The following GABRG3 variants were observed in gnomAD, a reference collection of about 807,000 sequenced individuals.
GABRG3 encodes the protein gamma-aminobutyric acid receptor subunit gamma-3.
Under a neutral mutation model 48.8 loss-of-function variants are expected in GABRG3, and 25 were observed. The ratio of observed to expected loss-of-function variants is 0.51; its 90% CI spans 0.37 to 0.72. The LOEUF is 0.72. Among genes scored for constraint, GABRG3 ranks in the 30% least tolerant of loss-of-function variants. The probability of loss-of-function intolerance (pLI) is 0.00; values close to 1 mark genes in which losing one functional copy is unlikely to be tolerated. For missense variants in GABRG3, 394 were observed against 577.9 expected (o/e 0.68, Z 3.26); for synonymous variants, 227 against 217.6 (o/e 1.04, Z -0.38).
chr15:27,234,281 C>T (rs1397341130), intron 3 of GABRG3, among the ~76,000 whole-genome samples: 1 of 152,176 alleles, frequency 6.6e-6, no homozygotes, highest in African/African-American at 2.4e-5. Flanking sequence ...AGGAGGCTCC[C>T]TGGCCAGGAC....
intron 3 of GABRG3, among the ~76,000 whole-genome samples, chr15:27,216,733 C>CTTTTTTTT (rs200517386): frequency 9.6e-6 from 1 of 103,886 alleles, no homozygotes; most frequent in Non-Finnish European, 2.0e-5. Flanking sequence ...CAATTCATTT[C>CTTTTTTTT]TTTTTTTTTT....
chr15:27,086,870 G>A lies in GABRG3; in HGVS notation c.270+60049G>A, dbSNP rs147977315. ...TGGGTGAAGCACTTGCCTTCAGGTCGTCCTTGTGGGCCACTGTGTCTGTGG... is the reference window on the plus strand; with the variant it reads ...TGGGTGAAGCACTTGCCTTCAGGTCATCCTTGTGGGCCACTGTGTCTGTGG... On this transcript the variant is annotated intron_variant, in intron 3 of 9. Coordinates refer to ENST00000615808, the MANE Select transcript of GABRG3 (RefSeq NM_033223.5). Among the ~76,000 whole-genome samples, 52 of 152,330 alleles carry A rather than the reference G, an allele frequency of 3.4e-4. No individual in the cohort carries two copies. The East Asian group carries it at 6.0e-3, about 18-fold the overall frequency.
intron 3 of GABRG3, among the ~76,000 whole-genome samples, chr15:27,133,764 A>T (rs756890761): frequency 1.4e-4 from 22 of 152,238 alleles, no homozygotes; most frequent in Non-Finnish European, 2.8e-4. Flanking sequence ...AAATTGTTAC[A>T]AACTGCAAAT....
chr15:27,207,838 A>G (rs1187682760), intron 3 of GABRG3, among the ~76,000 whole-genome samples: 1 of 152,176 alleles, frequency 6.6e-6, no homozygotes, highest in Admixed American at 6.5e-5. Flanking sequence ...AGAATCATGC[A>G]GGCTATAGGA....
At chr15:27,421,086 C>T (rs980100352) in intron 5 of GABRG3, among the ~76,000 whole-genome samples, 1 of 152,178 alleles carries the variant, frequency 6.6e-6, no homozygotes, top group Admixed American at 6.5e-5. Flanking sequence ...AGGGCACACA[C>T]TGCATCTGAA....
chr15:27,388,703 T>C (rs374903602), intron 5 of GABRG3, among the ~76,000 whole-genome samples: 1 of 152,206 alleles, frequency 6.6e-6, no homozygotes, highest in Non-Finnish European at 1.5e-5. Context: ...GCAGTAGAAG[T>C]GTGTGGAGTG....
At chr15:27,488,255 G>C (rs974719387) in intron 6 of GABRG3, among the ~76,000 whole-genome samples, 2 of 152,150 alleles carry the variant, frequency 1.3e-5, no homozygotes, top group Non-Finnish European at 2.9e-5. Flanking sequence ...TCCCTCAAAG[G>C]CCAAGACAGG....
chr15:27,013,718 T>C (rs184302322), intron 2 of GABRG3, among the ~76,000 whole-genome samples: 110 of 152,282 alleles, frequency 7.2e-4, no homozygotes, highest in African/African-American at 2.5e-3. Context: ...TTCTGTTCCA[T>C]TGGTCTCTAT....
intron 3 of GABRG3, among the ~76,000 whole-genome samples, chr15:27,132,396 G>A (rs1897930630): frequency 6.8e-6 from 1 of 147,906 alleles, no homozygotes; most frequent in Admixed American, 6.8e-5. Flanking sequence ...GAATTCTCCT[G>A]TGAAGCCATC....
chr15:27,421,966 G>A (rs1217875258), intron 5 of GABRG3, among the ~76,000 whole-genome samples: 4 of 148,432 alleles, frequency 2.7e-5, no homozygotes, highest in Non-Finnish European at 4.5e-5. Context: ...ATCCATGGGA[G>A]TGGGCTGCAT....
intron 5 of GABRG3, among the ~76,000 whole-genome samples, chr15:27,397,656 T>C (rs1479413087): frequency 6.6e-6 from 1 of 152,070 alleles, no homozygotes; most frequent in Non-Finnish European, 1.5e-5. Context: ...TTCTAAACTC[T>C]CCTCCAGCCT....
chr15:27,372,852 C>T (rs1318229092), intron 5 of GABRG3, among the ~76,000 whole-genome samples: 1 of 152,172 alleles, frequency 6.6e-6, no homozygotes, highest in Admixed American at 6.5e-5. Flanking sequence ...AACACTGTAC[C>T]TTGAGTGGTT....
chr15:27,324,687 G>A (rs1163860133), intron 3 of GABRG3, among the ~76,000 whole-genome samples: 6 of 152,190 alleles, frequency 3.9e-5, no homozygotes, highest in East Asian at 3.9e-4. Flanking sequence ...CCTTAAAACC[G>A]AGCCAACTTT....
At chr15:27,056,047 C>T (rs57254597) in intron 3 of GABRG3, among the ~76,000 whole-genome samples, 9,864 of 152,052 alleles carry the variant, frequency 0.065, 312 homozygotes, top group East Asian at 0.08. Context: ...CAAATAGTCA[C>T]AAACAGAAAA....
intron 3 of GABRG3, among the ~76,000 whole-genome samples, chr15:27,308,378 T>TTATATATAAACATAATATAAACATAC (rs1892812360): frequency 1.5e-5 from 2 of 136,460 alleles, no homozygotes; most frequent in Admixed American, 7.5e-5. Flanking sequence ...TATAAACATT[T>TTATATATAAACATAATATAAACATAC]GTTTATATAT....
chr15:27,379,434 G>A (rs752137702), intron 5 of GABRG3, among the ~76,000 whole-genome samples: 25 of 151,952 alleles, frequency 1.6e-4, no homozygotes, highest in Non-Finnish European at 3.2e-4. Context: ...CTGTTATTTT[G>A]AACAAACTAT....
At chr15:27,086,307 G>C (rs1270019604) in intron 3 of GABRG3, among the ~76,000 whole-genome samples, 1 of 151,876 alleles carries the variant, frequency 6.6e-6, no homozygotes, top group South Asian at 2.1e-4. Context: ...ACTGGGGACA[G>C]AGCAGGTCAG....
At chr15:27,129,585 A>G (rs1897880305) in intron 3 of GABRG3, among the ~76,000 whole-genome samples, 1 of 152,146 alleles carries the variant, frequency 6.6e-6, no homozygotes, top group Non-Finnish European at 1.5e-5. Flanking sequence ...TCATATGATA[A>G]TTTATATTTT....
intron 6 of GABRG3, among the ~76,000 whole-genome samples, chr15:27,505,243 G>T (rs948628945): frequency 1.3e-5 from 2 of 152,028 alleles, no homozygotes; most frequent in Non-Finnish European, 2.9e-5. Flanking sequence ...ACTTCTCATT[G>T]TATCACATAG....
Sources: gnomAD v4.1 joint callset for allele counts (sites outside exome capture counted in the v4.1 genomes callset) on GRCh38, gnomAD v4.1.1 for gene constraint, MANE v1.5 for transcripts, NCBI Gene and HGNC (gene_info 2026-07-23, HGNC 2026-07-21) for gene names.